The following SUMF1 variants were observed in gnomAD, a reference collection of about 807,000 sequenced individuals.
SUMF1 encodes the protein formylglycine-generating enzyme.
Under a neutral mutation model 47.6 loss-of-function variants are expected in SUMF1, and 48 were observed. The ratio of observed to expected loss-of-function variants is 1.01; its 90% CI spans 0.80 to 1.28. The LOEUF (loss-of-function observed/expected upper bound fraction) is 1.28, where lower values mean the gene tolerates loss of function less well. Among genes scored for constraint, SUMF1 ranks in the 50% most tolerant of loss-of-function variants. SUMF1 has a pLI of 0.00. For missense variants in SUMF1, 571 were observed against 485.4 expected (o/e 1.18, Z -1.66); for synonymous variants, 230 against 192.1 (o/e 1.20, Z -1.63).
chr3:4,236,290 T>TATTC (rs1320937861), intron 8 of SUMF1, among the ~76,000 whole-genome samples: 4 of 152,150 alleles, frequency 2.6e-5, no homozygotes, highest in Non-Finnish European at 5.9e-5. Flanking sequence ...AACTTTCTCA[T>TATTC]ATTCATATTG....
At chr3:4,039,684 A>C (rs1694874371) in intron 9 of SUMF1, among the ~76,000 whole-genome samples, 1 of 152,090 alleles carries the variant, frequency 6.6e-6, no homozygotes, top group Non-Finnish European at 1.5e-5. Context: ...AAGAAAGCTC[A>C]ATATTCTAAA....
chr3:4,461,863 C>G (rs2079823135), intron 1 of SUMF1, among the ~76,000 whole-genome samples: 1 of 152,154 alleles, frequency 6.6e-6, no homozygotes, highest in African/African-American at 2.4e-5. Flanking sequence ...TAAAAAGGAC[C>G]ATTTTAGTCA....
chr3:4,309,136 G>T lies in SUMF1; in HGVS notation c.1014+67194C>A, dbSNP rs562035838. ...TAGGAATGCCTTGGGTAAGATAAAG[G>T]GTTGTGGAGACCAGGGGTTTATTAT... On this transcript the variant is annotated intron_variant and NMD_transcript_variant, in intron 8 of 12. Coordinates refer to the SUMF1 transcript ENST00000448413. 2.0e-5 allele frequency among the ~76,000 whole-genome samples: 3 copies of T among 152,324 alleles called. No homozygotes were observed. The East Asian group carries it at 5.8e-4, about 29-fold the overall frequency.
intron 8 of SUMF1, among the ~76,000 whole-genome samples, chr3:4,195,975 T>C (rs1262920410): frequency 6.6e-6 from 1 of 152,106 alleles, no homozygotes; most frequent in Non-Finnish European, 1.5e-5. Context: ...ACTGGTCCCT[T>C]TGGATACCAG....
Position 4,251,255 on chromosome 3 carries a change from C to CA in SUMF1, c.1014+125074dup, listed in dbSNP as rs1696795728. Among the ~76,000 whole-genome samples the CA allele has an allele frequency of 2.6e-5, 4 of 152,130 alleles. No homozygotes were observed. The South Asian group carries it at 8.3e-4, about 31-fold the overall frequency. ...GTAACTGCCTATGTGGTAGAAATAG[C>CA]AAATGAACTAGAATTAGAAGTGGAG... On this transcript the variant is annotated intron_variant and NMD_transcript_variant, in intron 8 of 12. Transcript: ENST00000448413.
intron 8 of SUMF1, among the ~76,000 whole-genome samples, chr3:4,142,861 G>T (rs1456605206): frequency 6.6e-6 from 1 of 151,970 alleles, no homozygotes; most frequent in Admixed American, 6.6e-5. Context: ...CTACTAGAAT[G>T]TTCATCTCAA....
At chr3:4,103,719 C>T (rs1693091328) in intron 8 of SUMF1, among the ~76,000 whole-genome samples, 2 of 152,050 alleles carry the variant, frequency 1.3e-5, no homozygotes, top group Non-Finnish European at 2.9e-5. Flanking sequence ...AGGAACAGAA[C>T]ATAAATCACA....
intron 3 of SUMF1, among the ~76,000 whole-genome samples, chr3:4,424,291 C>T (rs928379580): frequency 1.3e-5 from 2 of 152,236 alleles, no homozygotes; most frequent in East Asian, 1.9e-4. Flanking sequence ...TCTAGACACC[C>T]GCTTTTCTTT....
chr3:4,068,327 G>A (rs181212753), intron 9 of SUMF1, among the ~76,000 whole-genome samples: 13 of 152,130 alleles, frequency 8.5e-5, no homozygotes, highest in Non-Finnish European at 1.2e-4. Context: ...TCCAGAAAGA[G>A]CAATCTGTCT....
At chr3:4,138,065 G>A (rs1693986553) in intron 8 of SUMF1, among the ~76,000 whole-genome samples, 1 of 151,890 alleles carries the variant, frequency 6.6e-6, no homozygotes, top group Non-Finnish European at 1.5e-5. Flanking sequence ...ATTTATAATA[G>A]CATCAAAAAA....
rs541917457 is a variant in SUMF1, at chr3:4,202,293, T to C, written c.1015-133548A>G. Among the ~76,000 whole-genome samples, 5 of 152,134 alleles carry C rather than the reference T, an allele frequency of 3.3e-5. No homozygotes were observed. In the South Asian group the frequency reaches 6.2e-4, roughly 19 times the overall value. On this transcript the variant is annotated intron_variant and NMD_transcript_variant, in intron 8 of 12. Coordinates refer to the SUMF1 transcript ENST00000448413. ...TTTGATTTTTGTATATGGCAACAGATAGGGGTCTCATTTCATTTTTCTGCA... is the reference window on the plus strand; with the variant it reads ...TTTGATTTTTGTATATGGCAACAGACAGGGGTCTCATTTCATTTTTCTGCA...
chr3:4,178,184 C>G (rs1040635398), intron 8 of SUMF1, among the ~76,000 whole-genome samples: 2 of 152,170 alleles, frequency 1.3e-5, no homozygotes, highest in African/African-American at 4.8e-5. Flanking sequence ...CTCCCTAACT[C>G]ATTTGATGAG....
chr3:4,455,458 G>A, intron 1 of SUMF1, among the ~76,000 whole-genome samples: 1 of 152,224 alleles, frequency 6.6e-6, no homozygotes, highest in East Asian at 1.9e-4. Context: ...GCTCACACCT[G>A]TAATCCTAGC....
chr3:4,219,612 C>T (rs1696017136), intron 8 of SUMF1, among the ~76,000 whole-genome samples: 1 of 152,284 alleles, frequency 6.6e-6, no homozygotes, highest in African/African-American at 2.4e-5. Flanking sequence ...ACCCTCTGGC[C>T]TGCCATGGAT....
chr3:4,052,425 A>G (rs1695128200), intron 9 of SUMF1, among the ~76,000 whole-genome samples: 1 of 152,176 alleles, frequency 6.6e-6, no homozygotes, highest in South Asian at 2.1e-4. Context: ...CTGACCAAAG[A>G]CTAGAGCTTG....
chr3:4,317,794 T>C (rs944016842), intron 8 of SUMF1, among the ~76,000 whole-genome samples: 3 of 152,192 alleles, frequency 2.0e-5, no homozygotes, highest in South Asian at 2.1e-4. Flanking sequence ...GTTGGGAAGA[T>C]TGAGTTAACA....
chr3:4,456,734 A>ATATATACACACATATATACGTGTGTGTG (rs1216534090), intron 1 of SUMF1, among the ~76,000 whole-genome samples: 3 of 109,552 alleles, frequency 2.7e-5, no homozygotes, highest in Non-Finnish European at 3.9e-5. Context: ...ATACGTGTGT[A>ATATATACACACATATATACGTGTGTGTG]TATATACACA....
chr3:4,243,655 C>A (rs760615812), intron 8 of SUMF1, among the ~76,000 whole-genome samples: 103 of 152,130 alleles, frequency 6.8e-4, no homozygotes, highest in Non-Finnish European at 1.0e-3. Flanking sequence ...TGTTCTTTTA[C>A]ATTTGCTGAG....
At chr3:4,229,318 T>C (rs1294756243) in intron 8 of SUMF1, 5 of 408,920 alleles carry the variant, frequency 1.2e-5, no homozygotes, top group African/African-American at 8.5e-5. Context: ...TCCTGTGAAA[T>C]CCTCTGGTGA....
Sources: allele counts gnomAD v4.1 joint callset (sites outside exome capture counted in the v4.1 genomes callset), GRCh38; gene constraint gnomAD v4.1.1; transcripts MANE v1.5; gene names NCBI Gene and HGNC (gene_info 2026-07-23, HGNC 2026-07-21).